The following TPM4 variants were observed in gnomAD, a reference collection of about 807,000 sequenced individuals.
TPM4 encodes the protein tropomyosin alpha-4 chain.
A neutral mutation model predicts 35.8 loss-of-function variants in TPM4; 17 were observed. That is an observed-to-expected ratio of 0.47 (90% CI 0.32 to 0.71). The LOEUF (loss-of-function observed/expected upper bound fraction) is 0.71, where lower values mean the gene tolerates loss of function less well. Among genes scored for constraint, TPM4 ranks in the 30% least tolerant of loss-of-function variants. The probability of loss-of-function intolerance (pLI) is 0.03; values close to 1 mark genes in which losing one functional copy is unlikely to be tolerated. For missense variants in TPM4, 240 were observed against 320.9 expected, an observed-to-expected ratio of 0.75 and a Z score of 1.93; for synonymous variants, 120 against 122.9, an observed-to-expected ratio of 0.98 and a Z score of 0.15.
At chr19:16,073,106 G>T (rs1003770233), upstream of TPM4, among the ~76,000 whole-genome samples, 1 of 151,438 alleles carries the variant, frequency 6.6e-6, no homozygotes, top group Non-Finnish European at 1.5e-5. Flanking sequence ...CTACTCGGGA[G>T]GCTGAAGTGG....
intron 7 of TPM4, among the ~76,000 whole-genome samples, chr19:16,096,936 CT>C (rs71178641): frequency 2.9e-5 from 2 of 69,052 alleles, no homozygotes; most frequent in African/African-American, 1.1e-4. Flanking sequence ...CAAGGTCACT[CT>C]TTTTTTTTTT....
chr19:16,096,985 A>ACT (rs2090708415), intron 7 of TPM4, among the ~76,000 whole-genome samples: 1 of 105,348 alleles, frequency 9.5e-6, no homozygotes, highest in Admixed American at 1.5e-4. Flanking sequence ...ACAGGGTCTC[A>ACT]CTCTGTTGCC....
At chr19:16,085,881 C>T (rs898375178) in intron 2 of TPM4, among the ~76,000 whole-genome samples, 2 of 151,748 alleles carry the variant, frequency 1.3e-5, no homozygotes, top group African/African-American at 4.8e-5. Flanking sequence ...CCAGCCTGGC[C>T]AACATGGCGA....
In TPM4 at chr19:16,101,307, G is replaced by A; in HGVS notation, c.708G>A (p.Gln236=). 1 of 1,608,842 alleles carries A rather than the reference G, an allele frequency of 6.2e-7. No individual in the cohort carries two copies. The highest frequency in any genetic ancestry group is 8.5e-7 in the Non-Finnish European group (1 of 1,177,514). ...AAGAAGAGAACGTGGGCTTACATCA[G>A]ACACTGGATCAGACACTAAACGAAC... ...QAKEENVGLH[Q]TLDQTLNELN... Residue 236 remains glutamine (Q), a synonymous_variant, in exon 8 of 8, where the codon CAG becomes CAA. Transcript: ENST00000643579.
upstream of TPM4, chr19:16,075,075 G>C (rs973035593): frequency 1.3e-5 from 2 of 151,972 alleles, no homozygotes; most frequent in Non-Finnish European, 2.9e-5. Context: ...CTTGGTGACA[G>C]AGCGAGACTC....
At chr19:16,069,713 T>C (rs2090337202) in intron 2 of TPM4, among the ~76,000 whole-genome samples, 1 of 150,196 alleles carries the variant, frequency 6.7e-6, no homozygotes, top group Non-Finnish European at 1.5e-5. Flanking sequence ...TGTGTTTTTA[T>C]GGGGTTGCGT....
chr19:16,091,920 T>A (rs1216072017), intron 5 of TPM4, among the ~76,000 whole-genome samples: 1 of 151,692 alleles, frequency 6.6e-6, no homozygotes, highest in Non-Finnish European at 1.5e-5. Context: ...TGTTAGTTAT[T>A]ATTGGGAGGC....
At chr19:16,089,311 A>G (rs1222171616) in intron 5 of TPM4, among the ~76,000 whole-genome samples, 191 bp downstream of exon 5, 1 of 152,100 alleles carries the variant, frequency 6.6e-6, no homozygotes, top group Non-Finnish European at 1.5e-5. Flanking sequence ...GTCCTCTTCC[A>G]TGGGGTCTGA....
intron 2 of TPM4, among the ~76,000 whole-genome samples, chr19:16,068,938 C>T (rs4808450): frequency 0.35 from 52,459 of 151,962 alleles, 9,423 homozygotes; most frequent in African/African-American, 0.38. Context: ...ACGCTGCGTG[C>T]GGCTGTTGGA....
chr19:16,085,226 C>G (rs2090534871), intron 2 of TPM4, among the ~76,000 whole-genome samples: 1 of 152,104 alleles, frequency 6.6e-6, no homozygotes, highest in Admixed American at 6.6e-5. Context: ...ACACTCCAGC[C>G]TGGGCAACAG....
chr19:16,086,404 A>G lies in TPM4; in HGVS notation c.267-19A>G. On this transcript the variant is annotated intron_variant, in intron 2 of 7. Transcript: ENST00000643579. ...GGGGTGTGAGTGAACGGCCGTCCTG[A>G]TGAGATTGCTCCTTGCAGAGGAATG... The G allele has an allele frequency of 1.9e-6, 3 of 1,608,346 alleles. No homozygotes were observed. The highest frequency in any genetic ancestry group is 2.6e-6 in the Non-Finnish European group (3 of 1,176,404).
At chr19:16,076,426 G>A (rs1017342177), upstream of TPM4, 6 of 1,350,564 alleles carry the variant, frequency 4.4e-6, no homozygotes, top group Non-Finnish European at 5.7e-6. Context: ...ACGGCAGCCG[G>A]CCCGGGGGGC....
At chr19:16,090,654 A>G (rs1361620273) in intron 5 of TPM4, among the ~76,000 whole-genome samples, 1 of 152,104 alleles carries the variant, frequency 6.6e-6, no homozygotes, top group African/African-American at 2.4e-5. Context: ...AGCCCTGTCT[A>G]TACTTTTGCT....
At chr19:16,069,504 TA>T (rs2090332397) in intron 2 of TPM4, among the ~76,000 whole-genome samples, 1 of 63,576 alleles carries the variant, frequency 1.6e-5, no homozygotes. Context: ...GGGGTGTGTG[TA>T]TGATTGTGTG....
chr19:16,086,635 T>G, intron 3 of TPM4, 95 bp downstream of exon 3: 1 of 1,014,350 alleles, frequency 9.9e-7, no homozygotes, highest in Non-Finnish European at 1.5e-6. Context: ...AAGGAAGCTC[T>G]CGGTTAGGTC....
chr19:16,068,071 T>A (rs946881724), intron 2 of TPM4: 3 of 395,736 alleles, frequency 7.6e-6, no homozygotes, highest in African/African-American at 6.2e-5. Context: ...GTTGGGGACA[T>A]GCTGTGTGTG....
chr19:16,093,262 C>G (rs955930158), intron 5 of TPM4: 12 of 421,714 alleles, frequency 2.8e-5, no homozygotes, highest in Non-Finnish European at 1.3e-5. Flanking sequence ...GTGGCGTGAT[C>G]TCGGCTCACT....
rs1323732125 is a variant in TPM4 at position 16,102,374 on chromosome 19, CA to C, written c.*1031del. 4.7e-6 allele frequency: 1 copy of C among 213,868 alleles called. No homozygotes were observed. The highest frequency in any genetic ancestry group is 9.5e-6 in the Non-Finnish European group (1 of 105,604). The allele number at this position is 213,868 out of a possible 1,614,324, so 13.2% of individuals were successfully genotyped here. On this transcript the variant is annotated 3_prime_UTR_variant, in exon 8 of 8. Coordinates refer to ENST00000643579, the MANE Select transcript of TPM4 (RefSeq NM_003290.3). ...AAAAATAAAGTTGTTCTCTGAAGAG[CA>C]AATGTCTCATTCCAGTAATGACCCA...
intron 4 of TPM4, chr19:16,088,679 C>T: frequency 9.5e-7 from 1 of 1,053,334 alleles, no homozygotes; most frequent in South Asian, 3.3e-5. Context: ...CCCCTGCAAA[C>T]TCCCATTGCT....
Sources: gnomAD v4.1 joint callset for allele counts (sites outside exome capture counted in the v4.1 genomes callset) on GRCh38, gnomAD v4.1.1 for gene constraint, MANE v1.5 for transcripts, NCBI Gene and HGNC (gene_info 2026-07-23, HGNC 2026-07-21) for gene names.